The following KLF12 variants were observed in gnomAD, a reference collection of about 807,000 sequenced individuals.
KLF12 encodes Krueppel-like factor 12.
In KLF12, 9 loss-of-function variants were observed where a neutral mutation model predicts 37.8. The observed-to-expected ratio is 0.24, with a 90% CI of 0.14 to 0.42. KLF12 has a LOEUF of 0.42. Among genes scored for constraint, KLF12 ranks in the 10% least tolerant of loss-of-function variants. KLF12 has a pLI of 1.00. For missense variants in KLF12, 411 were observed against 516.0 expected (o/e 0.80, Z 1.97); for synonymous variants, 208 against 202.1 (o/e 1.03, Z -0.25).
chr13:73,780,535 A>C (rs1268221037), intron 5 of KLF12, among the ~76,000 whole-genome samples: 1 of 151,614 alleles, frequency 6.6e-6, no homozygotes, highest in Non-Finnish European at 1.5e-5. Context: ...GCTGGAGTGC[A>C]ATGGTGCGAT....
At chr13:74,290,705 G>A in the KLF12 span, among the ~76,000 whole-genome samples, 1 of 152,176 alleles carries the variant, frequency 6.6e-6, no homozygotes, top group African/African-American at 2.4e-5. Context: ...AGGCATTGCA[G>A]TTTCTTTACA....
the KLF12 span, among the ~76,000 whole-genome samples, chr13:74,159,491 G>T: frequency 6.6e-6 from 1 of 152,138 alleles, no homozygotes; most frequent in South Asian, 2.1e-4. Flanking sequence ...AGAAAATGTT[G>T]TCCCATGCTA....
At chr13:73,747,026 A>G (rs1878420654) in intron 6 of KLF12, among the ~76,000 whole-genome samples, 1 of 152,072 alleles carries the variant, frequency 6.6e-6, no homozygotes, top group East Asian at 1.9e-4. Flanking sequence ...CATGTTGGTC[A>G]GGCTGGTCTC....
intron 6 of KLF12, among the ~76,000 whole-genome samples, chr13:73,745,219 G>A (rs931325546): frequency 6.6e-6 from 1 of 152,204 alleles, no homozygotes; most frequent in Non-Finnish European, 1.5e-5. Flanking sequence ...GGGGACATAA[G>A]AGAACACATA....
chr13:74,058,237 G>A (rs1394347679), intron 1 of KLF12, among the ~76,000 whole-genome samples: 1 of 151,896 alleles, frequency 6.6e-6, no homozygotes, highest in African/African-American at 2.4e-5. Flanking sequence ...AAAGTGCTGG[G>A]ATTACAGGCA....
At chr13:74,004,469 T>G (rs1434786047) in intron 1 of KLF12, among the ~76,000 whole-genome samples, 2 of 152,174 alleles carry the variant, frequency 1.3e-5, no homozygotes, top group Non-Finnish European at 2.9e-5. Flanking sequence ...AACCTATAGT[T>G]TGGCTCCAGT....
At chr13:74,043,723 T>C (rs1441886315) in intron 1 of KLF12, among the ~76,000 whole-genome samples, 1 of 152,234 alleles carries the variant, frequency 6.6e-6, no homozygotes, top group Non-Finnish European at 1.5e-5. Context: ...ATTTCTCTAC[T>C]CAACATAATA....
At chr13:73,939,673 A>T (rs1890102820) in intron 3 of KLF12, among the ~76,000 whole-genome samples, 1 of 152,164 alleles carries the variant, frequency 6.6e-6, no homozygotes, top group South Asian at 2.1e-4. Context: ...ACACTGACTC[A>T]GTACCCACCA....
chr13:74,258,936 C>T, the KLF12 span: 9 of 152,232 alleles, frequency 5.9e-5, no homozygotes. Context: ...GGTGCTCTCT[C>T]CTGAAAGAGA....
intron 1 of KLF12, among the ~76,000 whole-genome samples, chr13:74,081,628 T>C (rs115468231): frequency 0.012 from 1,889 of 152,326 alleles, 35 homozygotes; most frequent in African/African-American, 0.042. Flanking sequence ...TAGAATACAC[T>C]GATCCCTACC....
At chr13:74,260,076 A>T in the KLF12 span, 1 of 152,184 alleles carries the variant, frequency 6.6e-6, no homozygotes, top group Non-Finnish European at 1.5e-5. Context: ...CTGGAGTGCT[A>T]TATACAAAGT....
chr13:73,843,129 T>C (rs1455806944), intron 4 of KLF12, among the ~76,000 whole-genome samples: 2 of 152,184 alleles, frequency 1.3e-5, no homozygotes, highest in Non-Finnish European at 2.9e-5. Flanking sequence ...TCCATACCAA[T>C]GTCTTGAGGT....
At chr13:73,774,480 T>A (rs1169701454) in intron 5 of KLF12, among the ~76,000 whole-genome samples, 1 of 152,144 alleles carries the variant, frequency 6.6e-6, no homozygotes, top group Non-Finnish European at 1.5e-5. Flanking sequence ...TCAGGGCAGA[T>A]CCATCCGTCA....
At chr13:74,177,662 GC>G in the KLF12 span, among the ~76,000 whole-genome samples, 4 of 152,154 alleles carry the variant, frequency 2.6e-5, no homozygotes, top group Non-Finnish European at 4.4e-5. Flanking sequence ...TAATGAAGAA[GC>G]CTGAAAGTAA....
chr13:74,108,841 G>A (rs1593907084), intron 1 of KLF12, among the ~76,000 whole-genome samples: 2 of 152,096 alleles, frequency 1.3e-5, no homozygotes, highest in African/African-American at 2.4e-5. Context: ...AGGAAGAAGA[G>A]GAAAAGGAAG....
At chr13:74,241,138 C>A in the KLF12 span, among the ~76,000 whole-genome samples, 1 of 151,828 alleles carries the variant, frequency 6.6e-6, no homozygotes, top group Admixed American at 6.6e-5. Context: ...GATGTCCTTT[C>A]TGTTTGTTAG....
chr13:73,979,792 C>T (rs1891642655), intron 2 of KLF12, among the ~76,000 whole-genome samples: 1 of 152,082 alleles, frequency 6.6e-6, no homozygotes, highest in Admixed American at 6.5e-5. Flanking sequence ...GAAGTCCTAA[C>T]CTGTAGAGCC....
intron 7 of KLF12, among the ~76,000 whole-genome samples, chr13:73,699,920 A>C (rs1183612426): frequency 3.3e-5 from 5 of 152,124 alleles, no homozygotes; most frequent in African/African-American, 9.7e-5. Context: ...CAGAAATACA[A>C]GAGGCAGATA....
At chr13:74,155,319 A>G in the KLF12 span, among the ~76,000 whole-genome samples, 27,414 of 151,954 alleles carry the variant, frequency 0.18, 2,922 homozygotes, top group African/African-American at 0.3. Flanking sequence ...TAAGTCAGTT[A>G]TATATAGCTC....
Sources: gnomAD v4.1 joint callset for allele counts (sites outside exome capture counted in the v4.1 genomes callset) on GRCh38, gnomAD v4.1.1 for gene constraint, MANE v1.5 for transcripts, NCBI Gene and HGNC (gene_info 2026-07-23, HGNC 2026-07-21) for gene names.